Variants in CPSF4L observed in about 807,000 individuals in gnomAD.
CPSF4L encodes cleavage and polyadenylation specific factor 4 like, also known as putative cleavage and polyadenylation specificity factor subunit 4-like protein.
In CPSF4L, 18 loss-of-function variants were observed where a neutral mutation model predicts 24.0. The ratio of observed to expected loss-of-function variants is 0.75; its 90% CI spans 0.52 to 1.11. CPSF4L has a LOEUF of 1.11. Ranked by LOEUF, CPSF4L falls within the 50% of genes least tolerant of loss-of-function variation. The pLI is 0.00. For synonymous variants in CPSF4L, 72 were observed against 77.2 expected (o/e 0.93, Z 0.35); for missense variants, 211 against 221.8 (o/e 0.95, Z 0.31).
At chr17:73,243,095 T>TTTTTG in the CPSF4L span, 41,211 of 902,094 alleles carry the variant, frequency 0.046, 96 homozygotes, top group East Asian at 0.082. Flanking sequence ...TTTTTTTTTT[T>TTTTTG]TTTTTTACAG....
chr17:73,243,831 C>G (rs913204300), downstream of CPSF4L, among the ~76,000 whole-genome samples: 13 of 152,212 alleles, frequency 8.5e-5, no homozygotes, highest in Non-Finnish European at 1.8e-4. Flanking sequence ...CCGCACTCAG[C>G]CTTTGTAGCT....
chr17:73,263,330 T>C (rs1161731195), upstream of CPSF4L, among the ~76,000 whole-genome samples: 3 of 151,986 alleles, frequency 2.0e-5, no homozygotes, highest in African/African-American at 7.3e-5. Flanking sequence ...TCCCTAAACA[T>C]CCCTGAGCAT....
At chr17:73,261,550 C>G (rs931416403) in intron 1 of CPSF4L, among the ~76,000 whole-genome samples, 166 bp downstream of exon 1, 12 of 152,124 alleles carry the variant, frequency 7.9e-5, no homozygotes, top group African/African-American at 2.9e-4. Flanking sequence ...AGTCCCAGCT[C>G]CTCGGGAGGC....
At chr17:73,261,399 T>G (rs8078493) in intron 1 of CPSF4L, among the ~76,000 whole-genome samples, 30,657 of 152,082 alleles carry the variant, frequency 0.2, 3,529 homozygotes, top group Admixed American at 0.28. Context: ...TGGTGGCTCA[T>G]GCCTGTAATC....
rs1453562717 is a variant in CPSF4L, at chr17:73,250,780, CTG to C, written c.497+1848_497+1849del. On this transcript the variant is annotated intron_variant, in intron 5 of 5. Transcript: ENST00000344935. ...TAGTAGGCAACAAAGTGGGAAATGA[CTG>C]TTCCTTTTGCAGGAACAGTCTTGTC... Among the ~76,000 whole-genome samples, 8 of 152,244 alleles carry C rather than the reference CTG, an allele frequency of 5.3e-5. 1 individual carries two copies. Among genetic ancestry groups the C allele is most frequent in the Admixed American group, 5.2e-4 (8 of 15,288 alleles).
intron 3 of CPSF4L, among the ~76,000 whole-genome samples, chr17:73,254,524 TGGG>T (rs2062017212): frequency 6.6e-6 from 1 of 152,124 alleles, no homozygotes; most frequent in Admixed American, 6.5e-5. Flanking sequence ...TTCTACAGAG[TGGG>T]CACCTGCATT....
intron 2 of CPSF4L, among the ~76,000 whole-genome samples, chr17:73,259,162 C>T (rs2145282873): frequency 6.6e-6 from 1 of 152,146 alleles, no homozygotes; most frequent in South Asian, 2.1e-4. Flanking sequence ...ATCTCAGCCT[C>T]CCGAGTAGCT....
At chr17:73,244,285 G>A (rs12600798), downstream of CPSF4L, among the ~76,000 whole-genome samples, 757 of 151,994 alleles carry the variant, frequency 5.0e-3, 13 homozygotes, top group East Asian at 0.024. Flanking sequence ...TTTTGGGGCC[G>A]GGCGCGGTGG....
At chr17:73,244,559 C>CAAAAAAAAAA (rs71154984), downstream of CPSF4L, 5 of 77,276 alleles carry the variant, frequency 6.5e-5, no homozygotes, top group Non-Finnish European at 9.4e-5. Flanking sequence ...AACTGCATCT[C>CAAAAAAAAAA]AAAAAAAAAA....
downstream of CPSF4L, chr17:73,247,317 C>T (rs1334924980): frequency 6.2e-7 from 1 of 1,614,152 alleles, no homozygotes; most frequent in Admixed American, 1.7e-5. Flanking sequence ...CTGGGGATTG[C>T]CGCTCTAAAA....
intron 4 of CPSF4L, among the ~76,000 whole-genome samples, chr17:73,253,680 G>A (rs1176529886): frequency 2.0e-5 from 3 of 152,232 alleles, no homozygotes; most frequent in Admixed American, 2.0e-4. Context: ...CAGTAACTTG[G>A]AGAAAGGCAT....
intron 3 of CPSF4L, among the ~76,000 whole-genome samples, 194 bp downstream of exon 3, chr17:73,257,487 G>T (rs2145280931): frequency 6.6e-6 from 1 of 151,220 alleles, no homozygotes; most frequent in East Asian, 2.0e-4. Flanking sequence ...GGCAGTAAAG[G>T]GCAGGGACTT....
At chr17:73,243,086 T>TGTTG in the CPSF4L span, 1 of 987,740 alleles carries the variant, frequency 1.0e-6, no homozygotes, top group African/African-American at 1.7e-5. Flanking sequence ...AATTTTTTTT[T>TGTTG]TTTTTTTTTT....
chr17:73,260,631 G>C (rs935108665), intron 2 of CPSF4L, among the ~76,000 whole-genome samples: 2 of 152,230 alleles, frequency 1.3e-5, no homozygotes, highest in African/African-American at 4.8e-5. Context: ...GCCGGGCTTG[G>C]TGGCATGCAC....
At chr17:73,248,003 GT>G (rs1273109230), downstream of CPSF4L, 1 of 155,572 alleles carries the variant, frequency 6.4e-6, no homozygotes, top group Non-Finnish European at 1.4e-5. Context: ...GTTCAGAATA[GT>G]TTAAGAGCGT....
At position 73,253,430 on chromosome 17, in the gene CPSF4L, A is replaced by T. The variant is rs2062012902; in HGVS notation, c.403+501T>A. ...ATCCCTAAAACCAACAGCACTAAGAACTCCGTAAGAAAAACCTATCTGAAG... is the reference window on the plus strand; with the variant it reads ...ATCCCTAAAACCAACAGCACTAAGATCTCCGTAAGAAAAACCTATCTGAAG... On this transcript the variant is annotated intron_variant, in intron 4 of 5. Coordinates refer to ENST00000344935, the MANE Select transcript of CPSF4L (RefSeq NM_001129885.1). 4.6e-5 allele frequency among the ~76,000 whole-genome samples: 7 copies of T among 152,098 alleles called. No homozygotes were observed. The South Asian group carries it at 1.5e-3, about 32-fold the overall frequency.
At chr17:73,248,360 C>T (rs2061980915), downstream of CPSF4L, 3 of 817,872 alleles carry the variant, frequency 3.7e-6, no homozygotes, top group East Asian at 2.7e-5. Flanking sequence ...AAAAGAACGT[C>T]TCTAACATGA....
intron 3 of CPSF4L, among the ~76,000 whole-genome samples, chr17:73,256,184 G>C (rs12941071): frequency 7.2e-5 from 11 of 151,924 alleles, no homozygotes; most frequent in African/African-American, 2.7e-4. Context: ...CAAACACCGA[G>C]GGCTATTGAG....
the CPSF4L span, chr17:73,243,077 ATTTT>A: frequency 1.5e-3 from 666 of 437,280 alleles, no homozygotes; most frequent in Middle Eastern, 2.7e-3. Context: ...GATTCTCTGA[ATTTT>A]TTTTTTTTTT....
Sources: allele counts gnomAD v4.1 joint callset (sites outside exome capture counted in the v4.1 genomes callset), GRCh38; gene constraint gnomAD v4.1.1; transcripts MANE v1.5; gene names NCBI Gene and HGNC (gene_info 2026-07-23, HGNC 2026-07-21).